The following GRM7 variants were observed in gnomAD, a reference collection of about 807,000 sequenced individuals.
GRM7 encodes metabotropic glutamate receptor 7.
A neutral mutation model predicts 84.5 loss-of-function variants in GRM7; 35 were observed. The ratio of observed to expected loss-of-function variants is 0.41; its 90% confidence interval spans 0.32 to 0.55. GRM7 has a LOEUF of 0.55. Among genes scored for constraint, GRM7 ranks in the 20% least tolerant of loss-of-function variants. GRM7 has a pLI of 0.19. For synonymous variants in GRM7, 487 were observed against 455.1 expected (o/e 1.07, Z -0.89); for missense variants, 1,003 against 1,194.6 (o/e 0.84, Z 2.36).
intron 1 of GRM7, among the ~76,000 whole-genome samples, chr3:7,013,382 C>G (rs1222158500): frequency 1.3e-5 from 2 of 152,134 alleles, no homozygotes; most frequent in Admixed American, 1.3e-4. Context: ...CACTCCTCCC[C>G]TCTGCCTTGA....
chr3:6,931,545 C>T (rs556298071), intron 1 of GRM7, among the ~76,000 whole-genome samples: 13 of 152,280 alleles, frequency 8.5e-5, no homozygotes, highest in African/African-American at 2.9e-4. Context: ...GCATTCTGTT[C>T]CCTCAGACTG....
In GRM7 at chr3:7,330,417, C is replaced by T. The variant is rs1701158169; in HGVS notation, c.1033+23765C>T. On this transcript the variant is annotated intron_variant, in intron 4 of 9. Coordinates refer to ENST00000357716, the MANE Select transcript of GRM7 (RefSeq NM_000844.4). Reference sequence around the variant, plus strand: ...CCTCTTCTCTCTGTCCCCCTTGTAACAGCCATACAGGCTTACTTCCTTTCT... The same window carrying T: ...CCTCTTCTCTCTGTCCCCCTTGTAATAGCCATACAGGCTTACTTCCTTTCT... Among the ~76,000 whole-genome samples the T allele has an allele frequency of 2.6e-5, 4 of 152,140 alleles. No homozygotes were observed. In the South Asian group the frequency reaches 6.2e-4, roughly 24 times the overall value.
At chr3:6,996,166 A>T (rs985163477) in intron 1 of GRM7, among the ~76,000 whole-genome samples, 3 of 152,098 alleles carry the variant, frequency 2.0e-5, no homozygotes, top group Admixed American at 2.0e-4. Context: ...CTCCTGCCTC[A>T]ACCTCCCAAG....
chr3:7,161,317 G>C (rs1478677373), intron 2 of GRM7, among the ~76,000 whole-genome samples: 1 of 151,824 alleles, frequency 6.6e-6, no homozygotes, highest in African/African-American at 2.4e-5. Flanking sequence ...TAGATATTGG[G>C]GTTTTCTCAA....
intron 7 of GRM7, among the ~76,000 whole-genome samples, chr3:7,570,714 G>A (rs1694612097): frequency 6.6e-6 from 1 of 152,296 alleles, no homozygotes. Flanking sequence ...GAAGGATGGT[G>A]GCCCTTTTCT....
chr3:7,569,214 A>T (rs552724031), intron 7 of GRM7, among the ~76,000 whole-genome samples: 8 of 152,268 alleles, frequency 5.3e-5, no homozygotes, highest in Admixed American at 4.6e-4. Flanking sequence ...TACACTCTGT[A>T]TCTAACTACT....
chr3:7,539,414 C>T lies in GRM7; in HGVS notation c.1516-39008C>T, dbSNP rs558948146. ...TCTCTCAGCCAGGTGTGGTGGCTCA[C>T]GCCTGTAATCCCAGCACTTTGGGAG... is the stretch of plus-strand genomic sequence containing the variant. On this transcript the variant is annotated intron_variant, in intron 7 of 9. Transcript: ENST00000357716. Among the ~76,000 whole-genome samples, 14 of 152,188 alleles carry T rather than the reference C, an allele frequency of 9.2e-5. No homozygotes were observed. In the East Asian group the frequency reaches 2.1e-3, roughly 23 times the overall value.
intron 4 of GRM7, among the ~76,000 whole-genome samples, chr3:7,324,508 C>T (rs17697853): frequency 0.42 from 63,838 of 151,892 alleles, 13,465 homozygotes; most frequent in Middle Eastern, 0.5. Flanking sequence ...CCTCTTATGG[C>T]CTTTTCAGTG....
At chr3:6,942,174 C>T (rs890833523) in intron 1 of GRM7, among the ~76,000 whole-genome samples, 2 of 152,024 alleles carry the variant, frequency 1.3e-5, no homozygotes, top group East Asian at 1.9e-4. Flanking sequence ...CCTACCTTCC[C>T]CTTCTCTGTA....
chr3:7,668,512 G>T (rs1699793845), intron 8 of GRM7, among the ~76,000 whole-genome samples: 1 of 152,172 alleles, frequency 6.6e-6, no homozygotes, highest in Non-Finnish European at 1.5e-5. Context: ...GGAGGCAAAA[G>T]TTGCTTTGAG....
At chr3:7,436,595 G>A (rs1697065700) in intron 5 of GRM7, among the ~76,000 whole-genome samples, 1 of 152,118 alleles carries the variant, frequency 6.6e-6, no homozygotes, top group Admixed American at 6.6e-5. Context: ...ACGGGATGTG[G>A]CTAAAGCAAC....
chr3:6,960,784 T>C (rs1354556521), intron 1 of GRM7, among the ~76,000 whole-genome samples: 2 of 152,282 alleles, frequency 1.3e-5, no homozygotes, highest in East Asian at 3.9e-4. Context: ...AAGAGGAGAA[T>C]GCCTTTTTCT....
intron 5 of GRM7, among the ~76,000 whole-genome samples, chr3:7,418,002 A>G (rs1020368976): frequency 6.6e-6 from 1 of 152,158 alleles, no homozygotes; most frequent in Non-Finnish European, 1.5e-5. Context: ...ATTGAAAAAT[A>G]TTCATTAAGA....
At chr3:7,537,421 G>T (rs1244563317) in intron 7 of GRM7, among the ~76,000 whole-genome samples, 1 of 152,194 alleles carries the variant, frequency 6.6e-6, no homozygotes, top group East Asian at 1.9e-4. Flanking sequence ...TAGTGTGTCT[G>T]ATTGTGTGGC....
chr3:7,578,431 A>G lies in GRM7; in HGVS notation c.1525A>G (p.Met509Val). Residue 509 changes from methionine to valine, a missense_variant, in exon 8 of 10, where the codon ATG (methionine) becomes GTG (valine). Transcript: ENST00000357716. The stretch of plus-strand genomic sequence containing the variant: ...ATTTCTTATGTTACAGATAGAAGAC[A>G]TGCAGTGGGGTAAAGGAGTCCGAGA... ...TDELQLNIED[M>V]QWGKGVREIP... 3.1e-6 allele frequency: 5 copies of G among 1,602,062 alleles called. No homozygotes were observed. The highest frequency in any genetic ancestry group is 2.2e-5 in the East Asian group (1 of 44,752).
intron 1 of GRM7, among the ~76,000 whole-genome samples, chr3:7,087,483 C>A (rs1323397450): frequency 6.6e-6 from 1 of 151,604 alleles, no homozygotes; most frequent in Non-Finnish European, 1.5e-5. Context: ...AGTTTATTTG[C>A]AGCTGAAAGA....
chr3:7,346,585 G>A lies in GRM7; in HGVS notation c.1033+39933G>A, dbSNP rs2125086058. ...GCCTAGCTATAACTGCAATGGTGTG[G>A]GAGAAATGAGAGAACCATGTTTTCA... On this transcript the variant is annotated intron_variant, in intron 4 of 9. Transcript: ENST00000357716. Among the ~76,000 whole-genome samples, 4 of 152,176 alleles carry A rather than the reference G, an allele frequency of 2.6e-5. No homozygotes were observed. In the South Asian group the frequency reaches 8.3e-4, roughly 32 times the overall value.
intron 2 of GRM7, among the ~76,000 whole-genome samples, chr3:7,256,962 G>A (rs1698231645): frequency 6.6e-6 from 1 of 152,220 alleles, no homozygotes; most frequent in South Asian, 2.1e-4. Context: ...TTGCTAGGTA[G>A]AAAAGATGAG....
At chr3:7,438,121 A>G (rs1307025189) in intron 5 of GRM7, among the ~76,000 whole-genome samples, 2 of 152,034 alleles carry the variant, frequency 1.3e-5, no homozygotes, top group African/African-American at 2.4e-5. Flanking sequence ...AGGGGTTTCA[A>G]TCAGGGGAGT....
Sources: gnomAD v4.1 joint callset for allele counts (sites outside exome capture counted in the v4.1 genomes callset) on GRCh38, gnomAD v4.1.1 for gene constraint, MANE v1.5 for transcripts, NCBI Gene and HGNC (gene_info 2026-07-23, HGNC 2026-07-21) for gene names.